The following FMO4 variants were observed in gnomAD, a reference collection of about 807,000 sequenced individuals.
The protein encoded by FMO4 is dimethylaniline monooxygenase [N-oxide-forming] 4.
Under a neutral mutation model 43.3 loss-of-function variants are expected in FMO4, and 38 were observed. The observed-to-expected ratio is 0.88, with a 90% CI of 0.68 to 1.15. The LOEUF (loss-of-function observed/expected upper bound fraction) is 1.15, where lower values mean the gene tolerates loss of function less well. FMO4 is among the 50% of genes most tolerant of loss of function. FMO4 has a pLI of 0.00. For synonymous variants in FMO4, 224 were observed against 232.2 expected, an observed-to-expected ratio of 0.96 and a Z score of 0.32; for missense variants, 631 against 663.3, an observed-to-expected ratio of 0.95 and a Z score of 0.54.
Position 171,341,542 on chromosome 1 carries a change from AG to A in FMO4, c.1381del (p.Val461PhefsTer27). ...FLKDPRLAWE[V>X]FFGPCTPYQY... ...TCAAGGATCCCAGACTAGCTTGGGA[AG>A]TTTTCTTTGGACCATGTACTCCTTA... On this transcript the variant is annotated frameshift_variant, in exon 10 of 10. Coordinates refer to ENST00000367749, the MANE Select transcript of FMO4 (RefSeq NM_002022.3). LOFTEE classifies it low-confidence loss of function (END_TRUNC). The A allele has an allele frequency of 6.2e-7, 1 of 1,614,058 alleles. No individual in the cohort carries two copies. The highest frequency in any genetic ancestry group is 8.5e-7 in the Non-Finnish European group (1 of 1,179,968).
intron 3 of FMO4, 24 bp from the exon 4 acceptor site, chr1:171,322,980 A>T: frequency 6.3e-7 from 1 of 1,591,028 alleles, no homozygotes; most frequent in Non-Finnish European, 8.6e-7. Flanking sequence ...TTATCCCAAC[A>T]AGCTAACTAT....
intron 8 of FMO4, 32 bp from the exon 9 acceptor site, chr1:171,337,324 G>A: frequency 6.8e-7 from 1 of 1,475,286 alleles, no homozygotes; most frequent in Non-Finnish European, 9.5e-7. Flanking sequence ...AGCCACATGT[G>A]ACTTTAGTGT....
At chr1:171,340,511 G>A (rs745986023) in intron 9 of FMO4, among the ~76,000 whole-genome samples, 14 of 152,190 alleles carry the variant, frequency 9.2e-5, no homozygotes, top group Non-Finnish European at 1.9e-4. Flanking sequence ...ACTTGAAGCA[G>A]TCGTCGCTTT....
At chr1:171,330,964 A>C (rs1299844124) in intron 5 of FMO4, among the ~76,000 whole-genome samples, 1 of 152,224 alleles carries the variant, frequency 6.6e-6, no homozygotes, top group Non-Finnish European at 1.5e-5. Context: ...GCATAATAAC[A>C]CATCAATAAT....
At chr1:171,326,889 T>C (rs1029120976) in intron 5 of FMO4, among the ~76,000 whole-genome samples, 2 of 152,256 alleles carry the variant, frequency 1.3e-5, no homozygotes, top group African/African-American at 4.8e-5. Flanking sequence ...AATTGACTTC[T>C]GCTGTTTTCC....
chr1:171,316,155 G>A (rs892094583), intron 1 of FMO4, 31 bp from the exon 2 acceptor site: 2 of 152,216 alleles, frequency 1.3e-5, no homozygotes, highest in Middle Eastern at 3.4e-3. Context: ...AATTCAGTTA[G>A]CAGTCATTTC....
chr1:171,320,801 C>G (rs889375308), intron 3 of FMO4, among the ~76,000 whole-genome samples: 1 of 151,834 alleles, frequency 6.6e-6, no homozygotes, highest in Non-Finnish European at 1.5e-5. Context: ...CATAGTGAGA[C>G]CCTATCTCTA....
chr1:171,341,388 G>A (rs1375531790), intron 9 of FMO4, 25 bp from the exon 10 acceptor site: 4 of 1,582,326 alleles, frequency 2.5e-6, no homozygotes, highest in Non-Finnish European at 3.5e-6. Context: ...ATTAATGAAA[G>A]GTCCTCCCTC....
intron 9 of FMO4, among the ~76,000 whole-genome samples, chr1:171,338,702 C>T (rs1265688745): frequency 6.6e-6 from 1 of 152,186 alleles, no homozygotes; most frequent in Non-Finnish European, 1.5e-5. Context: ...CCCTGACTCA[C>T]CATTGCCTCT....
At chr1:171,329,031 TA>T (rs1662793519) in intron 5 of FMO4, among the ~76,000 whole-genome samples, 1 of 152,234 alleles carries the variant, frequency 6.6e-6, no homozygotes, top group Non-Finnish European at 1.5e-5. Context: ...TGGCACCTGC[TA>T]TGAGCTGACA....
chr1:171,332,395 C>A (rs1662937538), intron 6 of FMO4, among the ~76,000 whole-genome samples: 1 of 152,138 alleles, frequency 6.6e-6, no homozygotes, highest in South Asian at 2.1e-4. Flanking sequence ...TCCATACCTT[C>A]ACTTTAAGTT....
In FMO4 at chr1:171,331,665, C is replaced by T. The variant is rs1227833104; in HGVS notation, c.510C>T (p.Ile170=). Residue 170 remains isoleucine, a synonymous_variant, in exon 6 of 10, where the codon ATC becomes ATT. Coordinates refer to ENST00000367749, the MANE Select transcript of FMO4 (RefSeq NM_002022.3). The part of the protein sequence containing the change: ...FPGIHKFKGQ[I]LHSQEYKIPE... ...GAATTCATAAGTTTAAAGGTCAGAT[C>T]CTGCATAGTCAAGAGTACAAGATCC... The T allele has an allele frequency of 7.4e-6, 12 of 1,613,740 alleles. No individual in the cohort carries two copies. The highest frequency in any genetic ancestry group is 1.0e-5 in the Non-Finnish European group (12 of 1,179,800).
intron 8 of FMO4, among the ~76,000 whole-genome samples, chr1:171,336,098 T>C (rs1663104493): frequency 6.6e-6 from 1 of 151,764 alleles, no homozygotes; most frequent in Non-Finnish European, 1.5e-5. Flanking sequence ...GTGACCCTAG[T>C]GGAAAGCAGT....
At chr1:171,327,425 G>A (rs1662714049) in intron 5 of FMO4, among the ~76,000 whole-genome samples, 1 of 152,110 alleles carries the variant, frequency 6.6e-6, no homozygotes, top group African/African-American at 2.4e-5. Context: ...TTCTGGGCAA[G>A]TTGCTTAACC....
In FMO4 at chr1:171,323,115, A is replaced by T. The variant is rs1183429707; in HGVS notation, c.244A>T (p.Met82Leu). 1.9e-6 allele frequency: 3 copies of T among 1,613,444 alleles called. 1 individual carries two copies. Among genetic ancestry groups the T allele is most frequent in the Middle Eastern group, 1.7e-4 (1 of 6,052 alleles). ...FPFHEDYPNF[M>L]NHEKFWDYLQ... ...TTTCCACGAAGATTATCCTAATTTC[A>T]TGAACCATGAAAAATTTTGGGACTA... is the stretch of plus-strand genomic sequence containing the variant. Residue 82 changes from methionine (M) to leucine (L), a missense_variant, in exon 4 of 10, where the codon ATG (methionine) becomes TTG (leucine). By Grantham distance (15) the Met-to-Leu change is conservative (BLOSUM62 2). Transcript: ENST00000367749.
intron 5 of FMO4, among the ~76,000 whole-genome samples, chr1:171,328,006 A>T (rs1005460023): frequency 2.0e-5 from 3 of 152,134 alleles, no homozygotes; most frequent in Non-Finnish European, 4.4e-5. Context: ...TTTTCTGTTT[A>T]CTTACTTACA....
chr1:171,317,352 G>GTT (rs758164499), intron 2 of FMO4, among the ~76,000 whole-genome samples: 4 of 152,124 alleles, frequency 2.6e-5, no homozygotes, highest in Admixed American at 6.6e-5. Context: ...AGTGAAATGA[G>GTT]TTATATATAT....
At chr1:171,339,695 A>T (rs547535989) in intron 9 of FMO4, among the ~76,000 whole-genome samples, 1 of 152,322 alleles carries the variant, frequency 6.6e-6, no homozygotes, top group Admixed American at 6.5e-5. Flanking sequence ...GTCATGAAAG[A>T]TGCAAAGATG....
chr1:171,323,649 G>C (rs1315897753), intron 4 of FMO4, among the ~76,000 whole-genome samples: 1 of 152,158 alleles, frequency 6.6e-6, no homozygotes, highest in Non-Finnish European at 1.5e-5. Context: ...GGGCCACAGA[G>C]TGAGACTCCA....
Sources: allele counts gnomAD v4.1 joint callset (sites outside exome capture counted in the v4.1 genomes callset), GRCh38; gene constraint gnomAD v4.1.1; transcripts MANE v1.5; gene names NCBI Gene and HGNC (gene_info 2026-07-23, HGNC 2026-07-21).